Variants in THEMIS observed in about 807,000 individuals in gnomAD.
The protein encoded by THEMIS is thymocyte selection associated, also known as protein THEMIS.
Under a neutral mutation model 52.6 loss-of-function variants are expected in THEMIS, and 37 were observed. The observed-to-expected ratio is 0.70, with a 90% confidence interval of 0.54 to 0.93. The LOEUF is 0.93. Among genes scored for constraint, THEMIS ranks in the 40% least tolerant of loss-of-function variants. The pLI is 0.00. For missense variants in THEMIS, 808 were observed against 763.1 expected, an observed-to-expected ratio of 1.06 and a Z score of -0.69; for synonymous variants, 292 against 272.7, an observed-to-expected ratio of 1.07 and a Z score of -0.70.
chr6:127,815,937 G>C (rs1778115498), intron 3 of THEMIS, among the ~76,000 whole-genome samples: 1 of 152,124 alleles, frequency 6.6e-6, no homozygotes, highest in South Asian at 2.1e-4. Flanking sequence ...TGTGGGCTGG[G>C]AATAGCTTTA....
intron 1 of THEMIS, among the ~76,000 whole-genome samples, chr6:127,863,189 T>C (rs1310035137): frequency 6.6e-6 from 1 of 152,198 alleles, no homozygotes; most frequent in Admixed American, 6.6e-5. Flanking sequence ...TAAAATGAGT[T>C]TGAATTTCAT....
chr6:127,901,002 G>T lies in THEMIS; in HGVS notation c.-70C>A, dbSNP rs1382569108. The stretch of plus-strand genomic sequence containing the variant: ...TGTGGCTTCTGGGTGACACTTGTCT[G>T]CAATTGCAGCCCCTGCTCACCATTT... On this transcript the variant is annotated 5_prime_UTR_variant, in exon 1 of 6. An upstream open reading frame in the 5' UTR gains an earlier in-frame stop. Coordinates refer to ENST00000368248, the MANE Select transcript of THEMIS (RefSeq NM_001010923.3). 2 of 1,188,714 alleles carry T rather than the reference G, an allele frequency of 1.7e-6. No individual in the cohort carries two copies. The highest frequency in any genetic ancestry group is 1.5e-5 in the African/African-American group (1 of 66,544). The allele number at this position is 1,188,714 out of a possible 1,614,324, so 73.6% of individuals were successfully genotyped here. A position where few individuals can be genotyped will look rare whatever the true frequency, so the allele number is the denominator to read the frequency against.
chr6:127,895,173 C>T (rs1212719368), intron 1 of THEMIS, among the ~76,000 whole-genome samples: 1 of 151,260 alleles, frequency 6.6e-6, no homozygotes, highest in African/African-American at 2.4e-5. Flanking sequence ...TAGTTGGGAA[C>T]TTCCTTAGTT....
chr6:127,719,861 A>G, intron 4 of THEMIS, 38 bp from the exon 5 acceptor site: 1 of 1,603,446 alleles, frequency 6.2e-7, no homozygotes, highest in South Asian at 1.1e-5. Context: ...TATCAGTCCA[A>G]AATAAATGCT....
intron 4 of THEMIS, among the ~76,000 whole-genome samples, chr6:127,749,467 G>A (rs964548908): frequency 5.3e-5 from 8 of 151,960 alleles, no homozygotes; most frequent in Non-Finnish European, 1.0e-4. Context: ...GAAAAGAATG[G>A]TCATATTTAT....
chr6:127,879,385 C>T (rs1292998366), intron 1 of THEMIS, among the ~76,000 whole-genome samples: 1 of 151,988 alleles, frequency 6.6e-6, no homozygotes, highest in Non-Finnish European at 1.5e-5. Context: ...TATTAGGTAG[C>T]CACTCAAAGA....
At chr6:127,820,293 G>C (rs1778293205) in intron 3 of THEMIS, among the ~76,000 whole-genome samples, 1 of 152,064 alleles carries the variant, frequency 6.6e-6, no homozygotes, top group East Asian at 1.9e-4. Flanking sequence ...GAAAGGCATG[G>C]CCACAACATG....
chr6:127,885,057 G>A (rs1167476078), intron 1 of THEMIS, among the ~76,000 whole-genome samples: 1 of 152,074 alleles, frequency 6.6e-6, no homozygotes, highest in African/African-American at 2.4e-5. Context: ...AGTCACACTA[G>A]GGTTTCAACA....
chr6:127,702,021 AT>A, the THEMIS span, among the ~76,000 whole-genome samples: 5 of 150,132 alleles, frequency 3.3e-5, no homozygotes, highest in African/African-American at 4.9e-5. Context: ...TGATTCTCGG[AT>A]TTTTTTTTCT....
At chr6:127,717,592 G>T (rs960126106) in intron 5 of THEMIS, among the ~76,000 whole-genome samples, 7 of 151,768 alleles carry the variant, frequency 4.6e-5, no homozygotes, top group African/African-American at 1.7e-4. Context: ...CCTGAGTGAG[G>T]TTTTACCGTA....
At chr6:127,787,680 G>A (rs543156296) in intron 4 of THEMIS, among the ~76,000 whole-genome samples, 13 of 152,096 alleles carry the variant, frequency 8.5e-5, no homozygotes, top group Admixed American at 2.0e-4. Context: ...AATGATTCTC[G>A]TTTCTCATCA....
rs965923809 is a variant in THEMIS at position 127,733,415 on chromosome 6, A to G, written c.1759-13592T>C. On this transcript the variant is annotated intron_variant, in intron 4 of 5. Coordinates refer to ENST00000368248, the MANE Select transcript of THEMIS (RefSeq NM_001010923.3). ...TTTGGTTTTGTTTAAACTAGTTAAT[A>G]CAATGTTCAAAGAACTTAACCAGGT... 2.6e-5 allele frequency among the ~76,000 whole-genome samples: 4 copies of G among 152,314 alleles called. No homozygotes were observed. In the East Asian group the frequency reaches 7.7e-4, roughly 29 times the overall value.
intron 4 of THEMIS, among the ~76,000 whole-genome samples, chr6:127,786,626 G>A (rs149889730): frequency 6.6e-6 from 1 of 152,094 alleles, no homozygotes; most frequent in East Asian, 1.9e-4. Flanking sequence ...CTTGTTTTAT[G>A]AACTAGAAAA....
chr6:127,906,130 A>G (rs1781264584), intron 1 of THEMIS, among the ~76,000 whole-genome samples: 1 of 151,432 alleles, frequency 6.6e-6, no homozygotes, highest in Non-Finnish European at 1.5e-5. Flanking sequence ...TTAAAAATAT[A>G]CAATTTAGTT....
At chr6:127,713,173 C>A (rs1368637329) in intron 5 of THEMIS, among the ~76,000 whole-genome samples, 1 of 151,876 alleles carries the variant, frequency 6.6e-6, no homozygotes, top group Non-Finnish European at 1.5e-5. Context: ...ATTAACTTCC[C>A]TTTCCTTTGT....
chr6:127,751,692 T>C (rs917642767), intron 4 of THEMIS, among the ~76,000 whole-genome samples: 1 of 151,422 alleles, frequency 6.6e-6, no homozygotes, highest in Non-Finnish European at 1.5e-5. Context: ...AAACAAATAC[T>C]GAACTATATA....
At chr6:127,780,746 G>T (rs1041390513) in intron 4 of THEMIS, among the ~76,000 whole-genome samples, 4 of 152,138 alleles carry the variant, frequency 2.6e-5, no homozygotes, top group African/African-American at 9.7e-5. Context: ...TGGCTTATAG[G>T]GTTTCTGCAG....
At chr6:127,786,079 T>C (rs1776938907) in intron 4 of THEMIS, among the ~76,000 whole-genome samples, 1 of 152,112 alleles carries the variant, frequency 6.6e-6, no homozygotes, top group African/African-American at 2.4e-5. Context: ...TAGCTCTAGG[T>C]ATTCAATAAG....
intron 1 of THEMIS, among the ~76,000 whole-genome samples, chr6:127,913,732 AT>A (rs1781460787): frequency 7.9e-5 from 12 of 152,368 alleles, no homozygotes; most frequent in Admixed American, 5.9e-4. Context: ...TATGAACTTC[AT>A]AAATAAGCTG....
Sources: gnomAD v4.1 joint callset for allele counts (sites outside exome capture counted in the v4.1 genomes callset) on GRCh38, gnomAD v4.1.1 for gene constraint, MANE v1.5 for transcripts, NCBI Gene and HGNC (gene_info 2026-07-23, HGNC 2026-07-21) for gene names.